The following PCDH15 variants were observed in gnomAD, a reference collection of about 807,000 sequenced individuals.
PCDH15 encodes protocadherin related 15, also known as protocadherin-15.
In PCDH15, 129 loss-of-function variants were observed where a neutral mutation model predicts 178.5. That is an observed-to-expected ratio of 0.72 (90% CI 0.63 to 0.84). The LOEUF (loss-of-function observed/expected upper bound fraction) is 0.84. Among genes scored for constraint, PCDH15 ranks in the 40% least tolerant of loss-of-function variants. The pLI is 0.00. For synonymous variants in PCDH15, 800 were observed against 732.0 expected (o/e 1.09, Z -1.50); for missense variants, 2,230 against 2,099.9 (o/e 1.06, Z -1.21).
At chr10:54,646,386 A>G (rs2094130512) in intron 2 of PCDH15, among the ~76,000 whole-genome samples, 1 of 152,148 alleles carries the variant, frequency 6.6e-6, no homozygotes, top group Non-Finnish European at 1.5e-5. Flanking sequence ...CCAAGCCCCA[A>G]GGATATTGAG....
intron 21 of PCDH15, among the ~76,000 whole-genome samples, chr10:53,988,553 G>A (rs1368626433): frequency 2.6e-5 from 4 of 152,136 alleles, no homozygotes; most frequent in Non-Finnish European, 4.4e-5. Context: ...GAATTGCAAA[G>A]AGGACAAAGA....
At chr10:54,944,978 A>C (rs1479952473) in intron 2 of PCDH15, among the ~76,000 whole-genome samples, 1 of 151,894 alleles carries the variant, frequency 6.6e-6, no homozygotes, top group Non-Finnish European at 1.5e-5. Context: ...GAAATAGATA[A>C]GATCAGTCAT....
chr10:54,920,241 C>T (rs559742696), intron 2 of PCDH15, among the ~76,000 whole-genome samples: 132 of 151,972 alleles, frequency 8.7e-4, no homozygotes, highest in Non-Finnish European at 1.4e-3. Context: ...GAGGCCGAGG[C>T]GGGCAGATCA....
intron 2 of PCDH15, among the ~76,000 whole-genome samples, chr10:55,328,557 G>T (rs1844098440): frequency 6.6e-6 from 1 of 151,254 alleles, no homozygotes; most frequent in Non-Finnish European, 1.5e-5. Flanking sequence ...TCCATCATTG[G>T]CATCATTATT....
intron 2 of PCDH15, among the ~76,000 whole-genome samples, chr10:55,382,081 C>T (rs1362511113): frequency 1.3e-5 from 2 of 152,144 alleles, no homozygotes; most frequent in African/African-American, 4.8e-5. Context: ...AATAATTTCA[C>T]CTTCTTAAGC....
chr10:53,984,299 A>G (rs887964615), intron 21 of PCDH15, among the ~76,000 whole-genome samples: 3 of 150,818 alleles, frequency 2.0e-5, no homozygotes, highest in Admixed American at 6.6e-5. Context: ...ACAGGCGCCC[A>G]CCACCATGCT....
chr10:55,046,513 G>T (rs1031719829), intron 2 of PCDH15, among the ~76,000 whole-genome samples: 1 of 151,820 alleles, frequency 6.6e-6, no homozygotes, highest in Admixed American at 6.6e-5. Flanking sequence ...CCTAATTTTG[G>T]CAAGCACATA....
chr10:54,315,006 A>C (rs1175275490), intron 8 of PCDH15, among the ~76,000 whole-genome samples: 2 of 152,154 alleles, frequency 1.3e-5, no homozygotes, highest in East Asian at 3.9e-4. Flanking sequence ...ATTCATGTGC[A>C]TGTGTCTTTA....
chr10:55,186,159 T>A (rs1839794428), intron 1 of PCDH15, among the ~76,000 whole-genome samples: 1 of 151,472 alleles, frequency 6.6e-6, no homozygotes, highest in African/African-American at 2.4e-5. Flanking sequence ...ATTGAAAAAA[T>A]ACATTATTTG....
At chr10:55,368,823 A>G (rs539188393) in intron 2 of PCDH15, among the ~76,000 whole-genome samples, 1 of 152,008 alleles carries the variant, frequency 6.6e-6, no homozygotes, top group Non-Finnish European at 1.5e-5. Flanking sequence ...CTGAAACCAT[A>G]CAAGTGTATT....
At chr10:55,482,550 G>T (rs1589068940) in intron 2 of PCDH15, among the ~76,000 whole-genome samples, 1 of 151,698 alleles carries the variant, frequency 6.6e-6, no homozygotes, top group East Asian at 1.9e-4. Flanking sequence ...TGTTTGAAAA[G>T]GATCTTATTT....
chr10:53,850,332 G>A (rs1339565272), intron 28 of PCDH15, among the ~76,000 whole-genome samples: 1 of 152,056 alleles, frequency 6.6e-6, no homozygotes, highest in Non-Finnish European at 1.5e-5. Flanking sequence ...TAAAATAGTA[G>A]CTTTTAATTG....
intron 2 of PCDH15, among the ~76,000 whole-genome samples, chr10:55,531,018 T>C (rs540927041): frequency 1.6e-3 from 229 of 145,076 alleles, no homozygotes; most frequent in African/African-American, 5.4e-3. Flanking sequence ...CTTTTGTTTG[T>C]TTGTTTGTTT....
chr10:55,104,105 G>A (rs149862588), intron 2 of PCDH15, among the ~76,000 whole-genome samples: 1,612 of 151,808 alleles, frequency 0.011, 25 homozygotes, highest in African/African-American at 0.036. Context: ...AAACAATTTC[G>A]TTTGCATAAA....
intron 2 of PCDH15, among the ~76,000 whole-genome samples, chr10:54,918,490 A>G (rs1837402235): frequency 1.3e-5 from 2 of 152,194 alleles, no homozygotes; most frequent in East Asian, 1.9e-4. Context: ...CATTTAAGAG[A>G]TGAGATAACT....
chr10:54,853,330 CATATACATAT>C (rs1221880652), intron 3 of PCDH15, among the ~76,000 whole-genome samples: 9 of 88,216 alleles, frequency 1.0e-4, no homozygotes, highest in African/African-American at 3.1e-4. Context: ...CATACACACA[CATATACATAT>C]ATATACATAT....
At chr10:54,277,316 GGGTGAGT>G (rs1466374474) in intron 8 of PCDH15, among the ~76,000 whole-genome samples, 2 of 151,464 alleles carry the variant, frequency 1.3e-5, no homozygotes, top group Non-Finnish European at 3.0e-5. Flanking sequence ...AGTGATCATT[GGGTGAGT>G]GGCAAAGCAA....
chr10:54,728,111 T>G (rs1478558672), intron 1 of PCDH15, among the ~76,000 whole-genome samples: 1 of 151,492 alleles, frequency 6.6e-6, no homozygotes, highest in Non-Finnish European at 1.5e-5. Context: ...TACCAAAACC[T>G]GGCAGAAACA....
In PCDH15 at chr10:55,228,353, C is replaced by CA. The variant is rs375606108; in HGVS notation, c.-155-61703dup. Among the ~76,000 whole-genome samples the CA allele has an allele frequency of 2.9e-3, 429 of 147,068 alleles. 2 individuals are homozygous for CA. The highest frequency in any genetic ancestry group is 9.7e-3 in the African/African-American group (389 of 40,040). On this transcript the variant is annotated intron_variant, in intron 1 of 5. Coordinates refer to the PCDH15 transcript ENST00000458638. ...CTATAAAAATGTTATCTAGGAAGAT[C>CA]AAAAAAAAAATTGTGTGAGCTAGGA...
Sources: gnomAD v4.1 joint callset for allele counts (sites outside exome capture counted in the v4.1 genomes callset) on GRCh38, gnomAD v4.1.1 for gene constraint, MANE v1.5 for transcripts, NCBI Gene and HGNC (gene_info 2026-07-23, HGNC 2026-07-21) for gene names.